TRPM2: variants seen among roughly 807,000 people sequenced by gnomAD.
The protein encoded by TRPM2 is transient receptor potential cation channel subfamily M member 2.
TRPM2 carries 161 observed loss-of-function variants against 174.0 expected under a neutral mutation model. That is an observed-to-expected ratio of 0.93 (90% CI 0.81 to 1.05). The LOEUF (loss-of-function observed/expected upper bound fraction) is 1.05. Ranked by LOEUF, TRPM2 falls within the 50% of genes least tolerant of loss-of-function variation. The probability of loss-of-function intolerance (pLI) is 0.00; values close to 1 mark genes in which losing one functional copy is unlikely to be tolerated. For missense variants in TRPM2, 2,057 were observed against 2,038.0 expected (o/e 1.01, Z -0.18); for synonymous variants, 954 against 861.3 (o/e 1.11, Z -1.88).
Position 44,366,884 on chromosome 21 carries a change from G to C in TRPM2, c.554G>C (p.Arg185Pro). Residue 185 changes from arginine to proline, a missense_variant, in exon 4 of 32, where the codon CGG becomes CCG. Arg to Pro is a moderately radical substitution (Grantham distance 103). Coordinates refer to ENST00000397928, the MANE Select transcript of TRPM2 (RefSeq NM_003307.4). This position sits in a 1 kb window ranked among gnomAD's most constrained non-coding sequence, Gnocchi z 6.0. ...GGAKNFNMKP[R>P]LKSIFRRGLV... ...GCCAAGAACTTCAACATGAAGCCGC[G>C]GCTGAAGAGCATTTTCCGCAGAGGC... 1 of 1,612,530 alleles carries C rather than the reference G, an allele frequency of 6.2e-7. No homozygotes were observed.
At chr21:44,404,378 C>CGT (rs2049784514) in intron 16 of TRPM2, among the ~76,000 whole-genome samples, 1 of 81,898 alleles carries the variant, frequency 1.2e-5, no homozygotes. Context: ...TGCACACATA[C>CGT]ATACACACAC....
At position 44,427,049 on chromosome 21, in the gene TRPM2, G is replaced by A. The variant is rs2050819516; in HGVS notation, c.3912G>A (p.Val1304=). Residue 1304 remains valine (V), a synonymous_variant, in exon 27 of 32, where the codon GTG becomes GTA. Coordinates refer to ENST00000397928, the MANE Select transcript of TRPM2 (RefSeq NM_003307.4). ...TGTCCACGATCCAGTACAACGTGGTGGATGGCCTGAGGGACCGCCGGAGCT... is the reference window on the plus strand; with the variant it reads ...TGTCCACGATCCAGTACAACGTGGTAGATGGCCTGAGGGACCGCCGGAGCT... ...EPLSTIQYNV[V]DGLRDRRSFH... 1 of 1,607,556 alleles carries A rather than the reference G, an allele frequency of 6.2e-7. No individual in the cohort carries two copies. Among genetic ancestry groups the A allele is most frequent in the African/African-American group, 1.3e-5 (1 of 74,968 alleles).
rs553067737 is a variant in TRPM2, at chr21:44,366,256, C to CAGAGGGGACAGG, written c.424-442_424-431dup. ...GGGCCACAGAGCAGAGGGGATAGGGCAGAGGGGACAGGAGAGGGGACAGGA... is the reference window on the plus strand; with the variant it reads ...GGGCCACAGAGCAGAGGGGATAGGGCAGAGGGGACAGGAGAGGGGACAGGAGAGGGGACAGGA... On this transcript the variant is annotated intron_variant, in intron 3 of 31. Coordinates refer to ENST00000397928, the MANE Select transcript of TRPM2 (RefSeq NM_003307.4). This position sits in a 1 kb window ranked among gnomAD's most constrained non-coding sequence, Gnocchi z 6.0. Among the ~76,000 whole-genome samples the CAGAGGGGACAGG allele has an allele frequency of 6.3e-5, 8 of 126,986 alleles. No homozygotes were observed. Among genetic ancestry groups the CAGAGGGGACAGG allele is most frequent in the East Asian group, 4.4e-4 (2 of 4,548 alleles). 83.3% of individuals were successfully genotyped at this position (126,986 alleles called of 152,430 possible). A position where few individuals can be genotyped will look rare whatever the true frequency, so the allele number is the denominator to read the frequency against.
In TRPM2 at chr21:44,399,559, C is replaced by G; in HGVS notation, c.2208+118C>G. 5 of 1,380,982 alleles carry G rather than the reference C, an allele frequency of 3.6e-6. No individual in the cohort carries two copies. The highest frequency in any genetic ancestry group is 2.7e-4 in the Middle Eastern group (1 of 3,740). The allele number at this position is 1,380,982 out of a possible 1,614,324, so 85.5% of individuals were successfully genotyped here. ...ACACAGGCTTCAGGGCCCTCAGCAG[C>G]TCGGGGACAGCGCCTGACCCCTCGG... On this transcript the variant is annotated intron_variant, in intron 14 of 31. Transcript: ENST00000397928. The surrounding 1 kb of genome is among the most constrained non-coding windows in gnomAD (Gnocchi z 4.6).
chr21:44,350,595 G>C (rs2047913906), upstream of TRPM2, among the ~76,000 whole-genome samples: 1 of 133,902 alleles, frequency 7.5e-6, no homozygotes, highest in South Asian at 2.3e-4. Context: ...GGCGCGGGTG[G>C]GGCTCGAGGC....
At position 44,378,013 on chromosome 21, in the gene TRPM2, C is replaced by T. The variant is rs549970607; in HGVS notation, c.1014+240C>T. Among the ~76,000 whole-genome samples, 111 of 152,286 alleles carry T rather than the reference C, an allele frequency of 7.3e-4. No individual in the cohort carries two copies. In the East Asian group the frequency reaches 0.018, roughly 25 times the overall value. ...GCTTGGCTATGACTGGGCCATTGAC[C>T]GGCGTGGAAGGAAAGGGTGGGGCCC... On this transcript the variant is annotated intron_variant, in intron 7 of 31. Coordinates refer to ENST00000397928, the MANE Select transcript of TRPM2 (RefSeq NM_003307.4).
intron 23 of TRPM2, among the ~76,000 whole-genome samples, chr21:44,424,473 G>A (rs1421811689): frequency 1.3e-5 from 2 of 152,228 alleles, no homozygotes; most frequent in Non-Finnish European, 2.9e-5. Flanking sequence ...GGAGGTGCAG[G>A]AACCCTGGAA....
intron 17 of TRPM2, 131 bp from the exon 18 acceptor site, chr21:44,405,774 G>A (rs1161209401): frequency 6.4e-6 from 7 of 1,099,124 alleles, no homozygotes; most frequent in South Asian, 6.1e-5. Flanking sequence ...CACCTGGGAT[G>A]CAGGGCCCAC....
rs969543411 is a variant in TRPM2, at chr21:44,423,583, G to T, written c.3462-62G>T. 6 of 1,423,728 alleles carry T rather than the reference G, an allele frequency of 4.2e-6. No homozygotes were observed. The East Asian group carries it at 9.3e-5, about 22-fold the overall frequency. 88.2% of individuals were successfully genotyped at this position (1,423,728 alleles called of 1,614,324 possible). The stretch of plus-strand genomic sequence containing the variant: ...ATCTGGCAGGGCTGTCTGCAGAGCG[G>T]TGTGGCGTTCCCAGGGCCCCAAGGT... On this transcript the variant is annotated intron_variant, in intron 22 of 31. Coordinates refer to ENST00000397928, the MANE Select transcript of TRPM2 (RefSeq NM_003307.4).
intron 19 of TRPM2, among the ~76,000 whole-genome samples, chr21:44,407,275 G>T (rs1022713036): frequency 1.4e-5 from 2 of 143,210 alleles, no homozygotes; most frequent in Non-Finnish European, 3.0e-5. Context: ...GCATGTGCAC[G>T]CCAACACACC....
rs765298554 is a variant in TRPM2 at position 44,395,486 on chromosome 21, C to T, written c.1867C>T (p.Arg623Cys). The T allele has an allele frequency of 2.1e-5, 34 of 1,612,970 alleles. No homozygotes were observed. In the Middle Eastern group the frequency reaches 4.9e-4, roughly 23 times the overall value. Residue 623 changes from arginine (R) to cysteine (C), a missense_variant, in exon 12 of 32, where the codon CGT becomes TGT. By Grantham distance (180) the Arg-to-Cys change is radical. Coordinates refer to ENST00000397928, the MANE Select transcript of TRPM2 (RefSeq NM_003307.4). ...GHVTFTMDPI[R>C]DLLIWAIVQN... is the part of the protein sequence containing the mutation. Reference sequence around the variant, plus strand: ...TGTGACCTTCACCATGGACCCCATCCGTGACCTTCTCATTTGGGCCATTGT... The same window carrying T: ...TGTGACCTTCACCATGGACCCCATCTGTGACCTTCTCATTTGGGCCATTGT...
intron 18 of TRPM2, 43 bp downstream of exon 18, chr21:44,406,080 A>G (rs1292582563): frequency 1.3e-6 from 2 of 1,596,394 alleles, no homozygotes; most frequent in Non-Finnish European, 1.7e-6. Context: ...CCTGCAGCCC[A>G]GGGTGGGCCT....
chr21:44,355,853 C>G (rs985646013), intron 2 of TRPM2, among the ~76,000 whole-genome samples: 5 of 150,924 alleles, frequency 3.3e-5, no homozygotes, highest in African/African-American at 1.2e-4. Flanking sequence ...GGGAATTGTT[C>G]CCGGACACCC....
Position 44,425,084 on chromosome 21 carries a change from C to T in TRPM2, c.3637+145C>T, listed in dbSNP as rs1047372601. The T allele has an allele frequency of 2.0e-5, 15 of 735,496 alleles. No homozygotes were observed. In the East Asian group the frequency reaches 2.6e-4, roughly 13 times the overall value. 45.6% of individuals were successfully genotyped at this position (735,496 alleles called of 1,614,324 possible). A position where few individuals can be genotyped will look rare whatever the true frequency, so the allele number is the denominator to read the frequency against. On this transcript the variant is annotated intron_variant, in intron 24 of 31. Coordinates refer to ENST00000397928, the MANE Select transcript of TRPM2 (RefSeq NM_003307.4). Reference sequence around the variant, plus strand: ...TGCAGCCTGTTCCAGGCAGGGCCAGCGCCCTCAGGAACTCAGCCCACCCAC... The same window carrying T: ...TGCAGCCTGTTCCAGGCAGGGCCAGTGCCCTCAGGAACTCAGCCCACCCAC...
Position 44,399,325 on chromosome 21 carries a change from G to C in TRPM2, c.2092G>C (p.Glu698Gln), listed in dbSNP as rs150593294. 3 of 1,612,626 alleles carry C rather than the reference G, an allele frequency of 1.9e-6. No homozygotes were observed. Among genetic ancestry groups the C allele is most frequent in the Non-Finnish European group, 2.5e-6 (3 of 1,179,874 alleles). Reference protein sequence around the residue: ...GVFTECYRKDEERAQKLLTRV... With the variant: ...GVFTECYRKDQERAQKLLTRV... The stretch of plus-strand genomic sequence containing the variant: ...CTTCACCGAGTGCTACCGGAAGGAC[G>C]AAGAGAGAGCCCAGAAACTGCTCAC... The change falls in exon 14 of 32, where the codon GAA becomes CAA. Residue 698 changes from glutamate (E) to glutamine (Q), a missense_variant. Physicochemically the swap from Glu to Gln is conservative, Grantham distance 29 (BLOSUM62 2). Transcript: ENST00000397928. This position sits in a 1 kb window ranked among gnomAD's most constrained non-coding sequence, Gnocchi z 4.6.
At chr21:44,402,988 G>T (rs886866241) in intron 16 of TRPM2, among the ~76,000 whole-genome samples, 4 of 152,122 alleles carry the variant, frequency 2.6e-5, no homozygotes, top group African/African-American at 9.7e-5. Flanking sequence ...CCTGGGGGAG[G>T]CACCGGCGTC....
intron 5 of TRPM2, among the ~76,000 whole-genome samples, chr21:44,373,932 G>A (rs900089536): frequency 1.3e-5 from 2 of 151,942 alleles, no homozygotes; most frequent in East Asian, 1.9e-4. Flanking sequence ...TTCCTTCTGA[G>A]CCCTCACCAG....
At chr21:44,416,170 C>T (rs183354415) in intron 20 of TRPM2, 1 of 152,424 alleles carries the variant, frequency 6.6e-6, no homozygotes, top group East Asian at 1.9e-4. Flanking sequence ...GAGCCCTTCC[C>T]AGCATCTGCA....
Position 44,379,026 on chromosome 21 carries a change from C to T in TRPM2, c.1044C>T (p.Thr348=). 6.2e-7 allele frequency: 1 copy of T among 1,609,042 alleles called. No homozygotes were observed. Among genetic ancestry groups the T allele is most frequent in the Non-Finnish European group, 8.5e-7 (1 of 1,179,984 alleles). The change falls in exon 8 of 32, where the codon ACC becomes ACT. Residue 348 remains threonine (T), a synonymous_variant. Coordinates refer to ENST00000397928, the MANE Select transcript of TRPM2 (RefSeq NM_003307.4). The part of the protein sequence containing the change: ...HTIDNATTNG[T]PCVVVEGSGR... ...TCGACAACGCCACCACCAACGGCACCCCCTGTGTGGTTGTGGAGGGCTCGG... is the reference window on the plus strand; with the variant it reads ...TCGACAACGCCACCACCAACGGCACTCCCTGTGTGGTTGTGGAGGGCTCGG...
Sources: gnomAD v4.1 joint callset for allele counts (sites outside exome capture counted in the v4.1 genomes callset) on GRCh38, gnomAD v4.1.1 for gene constraint, Gnocchi (gnomAD v3.1) non-coding constraint, MANE v1.5 for transcripts, NCBI Gene and HGNC (gene_info 2026-07-23, HGNC 2026-07-21) for gene names.